The following DOCK3 variants were observed in gnomAD, a reference collection of about 807,000 sequenced individuals.
DOCK3 encodes the protein dedicator of cytokinesis protein 3.
Under a neutral mutation model 265.6 loss-of-function variants are expected in DOCK3, and 60 were observed. The observed-to-expected ratio is 0.23, with a 90% CI of 0.18 to 0.28. The LOEUF is 0.28. Ranked by LOEUF, DOCK3 falls within the 10% of genes least tolerant of loss-of-function variation. The pLI, the probability that DOCK3 is intolerant of heterozygous loss-of-function variation, is 1.00. For synonymous variants in DOCK3, 881 were observed against 938.0 expected (o/e 0.94, Z 1.11); for missense variants, 1,981 against 2,594.3 (o/e 0.76, Z 5.14).
At chr3:50,881,439 A>G (rs2048016399) in intron 3 of DOCK3, 2 of 152,258 alleles carry the variant, frequency 1.3e-5, no homozygotes, top group Admixed American at 1.3e-4. Context: ...TACAAAATCA[A>G]TGTGCAAAAA....
intron 27 of DOCK3, among the ~76,000 whole-genome samples, chr3:51,308,609 C>T (rs2082844557): frequency 1.3e-5 from 2 of 152,112 alleles, no homozygotes; most frequent in South Asian, 2.1e-4. Flanking sequence ...AAGTCTCCCA[C>T]GTCTACTTCT....
chr3:50,781,323 A>C (rs888142763), intron 2 of DOCK3, among the ~76,000 whole-genome samples: 1 of 134,044 alleles, frequency 7.5e-6, no homozygotes, highest in Non-Finnish European at 1.5e-5. Context: ...GCTGGAGTGC[A>C]GTGGTGCCAT....
chr3:50,772,217 CACTT>C (rs1435601584), intron 1 of DOCK3, among the ~76,000 whole-genome samples: 4 of 152,142 alleles, frequency 2.6e-5, no homozygotes, highest in Non-Finnish European at 5.9e-5. Context: ...CACATGTTAT[CACTT>C]ATTTGTGGGA....
chr3:50,966,284 T>A (rs993419576), intron 5 of DOCK3, among the ~76,000 whole-genome samples: 1 of 152,192 alleles, frequency 6.6e-6, no homozygotes, highest in Non-Finnish European at 1.5e-5. Context: ...GGGGTGCAGA[T>A]ATCTCTTTGA....
At chr3:51,090,855 T>C (rs1030993604) in intron 9 of DOCK3, among the ~76,000 whole-genome samples, 2 of 152,188 alleles carry the variant, frequency 1.3e-5, no homozygotes, top group Non-Finnish European at 2.9e-5. Context: ...TTCTTTTATA[T>C]TGCTTGGGAA....
intron 49 of DOCK3, among the ~76,000 whole-genome samples, chr3:51,373,943 C>T (rs1576981678): frequency 1.3e-5 from 2 of 152,146 alleles, no homozygotes; most frequent in East Asian, 3.9e-4. Context: ...TGAGAAAAGT[C>T]GGTAGGGAGC....
chr3:51,213,794 G>A (rs2089635944), intron 13 of DOCK3, among the ~76,000 whole-genome samples: 1 of 152,122 alleles, frequency 6.6e-6, no homozygotes, highest in South Asian at 2.1e-4. Flanking sequence ...TACAACTTAT[G>A]TAGTTGAACC....
Position 50,829,133 on chromosome 3 carries a change from G to A in DOCK3, c.122-12542G>A, listed in dbSNP as rs571438819. Among the ~76,000 whole-genome samples, 30 of 152,118 alleles carry A rather than the reference G, an allele frequency of 2.0e-4. No homozygotes were observed. In the South Asian group the frequency reaches 6.2e-3, roughly 32 times the overall value. On this transcript the variant is annotated intron_variant, in intron 2 of 52. Transcript: ENST00000266037. Reference sequence around the variant, plus strand: ...TTTAGTAGTATTTCTTTCAGCGCTGGTTTGCTGCGCATTGTTTCAGTTTCT... The same window carrying A: ...TTTAGTAGTATTTCTTTCAGCGCTGATTTGCTGCGCATTGTTTCAGTTTCT...
At chr3:51,290,011 C>T (rs1248271868) in intron 27 of DOCK3, among the ~76,000 whole-genome samples, 4 of 151,918 alleles carry the variant, frequency 2.6e-5, no homozygotes, top group African/African-American at 4.8e-5. Context: ...GTTAGAATGG[C>T]GATCATTAAA....
intron 49 of DOCK3, among the ~76,000 whole-genome samples, chr3:51,372,554 G>T (rs774686904): frequency 2.0e-5 from 3 of 152,206 alleles, no homozygotes; most frequent in Non-Finnish European, 2.9e-5. Context: ...TGAGTATGCA[G>T]ATGTGGGGTT....
chr3:51,286,664 T>C (rs1164573092), intron 27 of DOCK3, among the ~76,000 whole-genome samples: 42 of 151,992 alleles, frequency 2.8e-4, no homozygotes, highest in Non-Finnish European at 5.9e-5. Context: ...AAATAAAGCT[T>C]CATACCTACA....
chr3:51,191,180 C>A (rs1345470484), intron 12 of DOCK3, among the ~76,000 whole-genome samples: 2 of 151,768 alleles, frequency 1.3e-5, no homozygotes, highest in Non-Finnish European at 2.9e-5. Flanking sequence ...TACACCCCTC[C>A]CAGTCCACTC....
intron 3 of DOCK3, among the ~76,000 whole-genome samples, chr3:50,858,463 G>A (rs1347167647): frequency 7.0e-6 from 1 of 143,546 alleles, no homozygotes; most frequent in Non-Finnish European, 1.5e-5. Context: ...AAAATAAAAT[G>A]TTTAGTATAG....
At chr3:51,292,120 C>T (rs773333119) in intron 27 of DOCK3, among the ~76,000 whole-genome samples, 5 of 152,048 alleles carry the variant, frequency 3.3e-5, no homozygotes, top group Middle Eastern at 3.2e-3. Flanking sequence ...ATATGATAAG[C>T]CCATAGTTAA....
intron 9 of DOCK3, among the ~76,000 whole-genome samples, chr3:51,127,090 G>A (rs1442849255): frequency 1.3e-5 from 2 of 152,110 alleles, no homozygotes; most frequent in African/African-American, 4.8e-5. Context: ...CATGTTTGAG[G>A]GCAGGAGGCA....
chr3:50,693,253 T>C (rs2035367568), intron 1 of DOCK3, among the ~76,000 whole-genome samples: 2 of 152,220 alleles, frequency 1.3e-5, no homozygotes, highest in Non-Finnish European at 2.9e-5. Context: ...TTTTTAAATA[T>C]TTCTGCAAAG....
Position 51,290,808 on chromosome 3 carries a change from C to T in DOCK3, c.2922+10604C>T, listed in dbSNP as rs142297219. On this transcript the variant is annotated intron_variant, in intron 27 of 52. Coordinates refer to ENST00000266037, the MANE Select transcript of DOCK3 (RefSeq NM_004947.5). ...ATAAAAAGAGACAGTGGGCTGGGCA[C>T]GGTGGCTCATGCCTGTAATCCCAGC... Among the ~76,000 whole-genome samples the T allele has an allele frequency of 8.7e-3, 1,332 of 152,232 alleles. 23 individuals are homozygous for T. Among genetic ancestry groups the T allele is most frequent in the African/African-American group, 0.03 (1,261 of 41,524 alleles).
chr3:51,148,456 T>C (rs900601572), intron 10 of DOCK3, among the ~76,000 whole-genome samples: 9 of 152,224 alleles, frequency 5.9e-5, no homozygotes, highest in Non-Finnish European at 1.2e-4. Context: ...GGTTTTCTTC[T>C]AGGATTTTTA....
chr3:50,951,445 T>C (rs1410015008), intron 5 of DOCK3, among the ~76,000 whole-genome samples: 1 of 152,246 alleles, frequency 6.6e-6, no homozygotes, highest in Non-Finnish European at 1.5e-5. Flanking sequence ...TTTTTTTCCA[T>C]ATGAGTTCTT....
Sources: gnomAD v4.1 joint callset for allele counts (sites outside exome capture counted in the v4.1 genomes callset) on GRCh38, gnomAD v4.1.1 for gene constraint, MANE v1.5 for transcripts, NCBI Gene and HGNC (gene_info 2026-07-23, HGNC 2026-07-21) for gene names.